Variants in SGCZ observed in about 807,000 individuals in gnomAD.
SGCZ encodes zeta-sarcoglycan.
A neutral mutation model predicts 41.3 loss-of-function variants in SGCZ; 40 were observed. The observed-to-expected ratio is 0.97, with a 90% confidence interval of 0.75 to 1.26. The LOEUF (loss-of-function observed/expected upper bound fraction) is 1.26, where lower values mean the gene tolerates loss of function less well. SGCZ is among the 50% of genes most tolerant of loss of function. The pLI is 0.00. For synonymous variants in SGCZ, 206 were observed against 137.5 expected (o/e 1.50, Z -3.49); for missense variants, 552 against 369.8 (o/e 1.49, Z -4.04).
intron 1 of SGCZ, among the ~76,000 whole-genome samples, chr8:15,190,957 A>G (rs1255022694): frequency 6.6e-6 from 1 of 152,072 alleles, no homozygotes; most frequent in African/African-American, 2.4e-5. Flanking sequence ...AGAGTGGACT[A>G]TCTATGGATT....
At position 14,450,206 on chromosome 8, in the gene SGCZ, G is replaced by T. The variant is rs75622928; in HGVS notation, c.234+104526C>A. Among the ~76,000 whole-genome samples the T allele has an allele frequency of 8.5e-5, 13 of 152,292 alleles. No individual in the cohort carries two copies. In the South Asian group the frequency reaches 1.0e-3, roughly 12 times the overall value. ...GCTACACAGAACCCAAACCCTCAAC[G>T]AGGGTCTCTACTGACAACTTAATTC... On this transcript the variant is annotated intron_variant, in intron 2 of 7. Transcript: ENST00000382080.
chr8:14,273,705 T>C (rs1055367328), intron 3 of SGCZ, among the ~76,000 whole-genome samples: 2 of 152,128 alleles, frequency 1.3e-5, no homozygotes, highest in Non-Finnish European at 2.9e-5. Flanking sequence ...GTAAACTCTT[T>C]CAATATCCAA....
At chr8:15,028,174 A>C (rs1473121661) in intron 1 of SGCZ, among the ~76,000 whole-genome samples, 1 of 152,134 alleles carries the variant, frequency 6.6e-6, no homozygotes, top group Non-Finnish European at 1.5e-5. Flanking sequence ...TTGAATAATC[A>C]TTATAAGAAA....
chr8:14,854,153 T>C (rs903001641), intron 1 of SGCZ, among the ~76,000 whole-genome samples: 3 of 150,732 alleles, frequency 2.0e-5, no homozygotes, highest in African/African-American at 7.3e-5. Context: ...ACATTATTGT[T>C]ATTAGTTTGA....
In SGCZ at chr8:14,968,878, G is replaced by A. The variant is rs574777279; in HGVS notation, c.39+268707C>T. ...GAAGGTTTGAATAAATTATTTTAAT[G>A]ACCTAGATGGCTTTTCATTCGAGCT... is the stretch of plus-strand genomic sequence containing the variant. On this transcript the variant is annotated intron_variant, in intron 1 of 7. Coordinates refer to ENST00000382080, the MANE Select transcript of SGCZ (RefSeq NM_139167.4). Among the ~76,000 whole-genome samples the A allele has an allele frequency of 1.5e-3, 221 of 152,204 alleles. 1 individual carries two copies. Among genetic ancestry groups the A allele is most frequent in the African/African-American group, 5.0e-3 (208 of 41,568 alleles).
intron 1 of SGCZ, among the ~76,000 whole-genome samples, chr8:14,787,253 A>G (rs982665836): frequency 1.3e-5 from 2 of 152,256 alleles, no homozygotes; most frequent in African/African-American, 4.8e-5. Flanking sequence ...GCACAAGACA[A>G]TGAAATTCAG....
intron 2 of SGCZ, among the ~76,000 whole-genome samples, chr8:14,329,627 G>C (rs951941152): frequency 6.6e-6 from 1 of 151,970 alleles, no homozygotes; most frequent in Non-Finnish European, 1.5e-5. Flanking sequence ...TAGCCTCTGG[G>C]TATAGATCTG....
At chr8:14,157,238 C>T (rs1415780674) in intron 5 of SGCZ, among the ~76,000 whole-genome samples, 1 of 149,940 alleles carries the variant, frequency 6.7e-6, no homozygotes, top group African/African-American at 2.4e-5. Context: ...CCTTCATTGG[C>T]TGAACATTAT....
At chr8:14,805,670 A>G (rs1178700517) in intron 1 of SGCZ, among the ~76,000 whole-genome samples, 4 of 151,390 alleles carry the variant, frequency 2.6e-5, no homozygotes, top group Non-Finnish European at 5.9e-5. Flanking sequence ...AGACAGATCA[A>G]CGAGACAGAA....
chr8:14,770,999 C>T (rs975997515), intron 1 of SGCZ, among the ~76,000 whole-genome samples: 1 of 152,084 alleles, frequency 6.6e-6, no homozygotes, highest in Admixed American at 6.5e-5. Flanking sequence ...CACAAGTACA[C>T]TTCAATAGCT....
In SGCZ at chr8:14,696,107, T is replaced by C. The variant is rs544485556; in HGVS notation, c.40-141181A>G. 1.8e-4 allele frequency among the ~76,000 whole-genome samples: 27 copies of C among 152,236 alleles called. No homozygotes were observed. The East Asian group carries it at 3.7e-3, about 21-fold the overall frequency. ...TACAGTTGTATTTCGGTTGCTTTTT[T>C]TCAGGTTGTAGAAAATTGCATTTTT... On this transcript the variant is annotated intron_variant, in intron 1 of 7. Coordinates refer to ENST00000382080, the MANE Select transcript of SGCZ (RefSeq NM_139167.4).
Position 14,929,722 on chromosome 8 carries a change from A to C in SGCZ, c.39+307863T>G, listed in dbSNP as rs371313762. Among the ~76,000 whole-genome samples, 47 of 152,148 alleles carry C rather than the reference A, an allele frequency of 3.1e-4. No homozygotes were observed. In the South Asian group the frequency reaches 6.4e-3, roughly 21 times the overall value. On this transcript the variant is annotated intron_variant, in intron 1 of 7. Transcript: ENST00000382080. ...AGGTATAAAATCCACAGCTGACAGC[A>C]GTGGTATGAATGCAGGTTTTCATGG...
At chr8:14,217,859 G>C (rs181850530) in intron 4 of SGCZ, among the ~76,000 whole-genome samples, 1 of 151,920 alleles carries the variant, frequency 6.6e-6, no homozygotes, top group East Asian at 1.9e-4. Flanking sequence ...TTGAACTCCT[G>C]ACTTCAAGTG....
At chr8:14,279,288 T>A (rs141623570) in intron 3 of SGCZ, among the ~76,000 whole-genome samples, 15 of 152,184 alleles carry the variant, frequency 9.9e-5, no homozygotes, top group African/African-American at 3.6e-4. Flanking sequence ...TTGCCAAATA[T>A]TAAGTGATTT....
chr8:14,824,681 G>A (rs1425914824), intron 1 of SGCZ, among the ~76,000 whole-genome samples: 1 of 151,940 alleles, frequency 6.6e-6, no homozygotes, highest in Non-Finnish European at 1.5e-5. Flanking sequence ...TAAAATCCTT[G>A]TTTGAGGAAT....
chr8:15,137,658 GGCACCTTT>G (rs57732212), intron 1 of SGCZ, among the ~76,000 whole-genome samples: 25,659 of 152,066 alleles, frequency 0.17, 2,436 homozygotes, highest in African/African-American at 0.26. Context: ...CCCAAGCCTT[GGCACCTTT>G]CATGTGGTGT....
chr8:14,212,830 C>T (rs1466510811), intron 4 of SGCZ, among the ~76,000 whole-genome samples: 2 of 151,770 alleles, frequency 1.3e-5, no homozygotes, highest in Non-Finnish European at 2.9e-5. Flanking sequence ...TTTTCTAAAA[C>T]ATATTAAAAT....
chr8:14,216,568 G>T (rs1206663352), intron 4 of SGCZ, among the ~76,000 whole-genome samples: 2 of 152,118 alleles, frequency 1.3e-5, no homozygotes, highest in Admixed American at 6.5e-5. Flanking sequence ...CTTGCTCCAT[G>T]ACTTAGCGGG....
intron 1 of SGCZ, among the ~76,000 whole-genome samples, chr8:14,660,067 A>C (rs148007265): frequency 9.1e-4 from 139 of 152,288 alleles, no homozygotes; most frequent in African/African-American, 3.2e-3. Flanking sequence ...CTTCAACAGG[A>C]ACCAACCTTG....
Sources: allele counts gnomAD v4.1 joint callset (sites outside exome capture counted in the v4.1 genomes callset), GRCh38; gene constraint gnomAD v4.1.1; transcripts MANE v1.5; gene names NCBI Gene and HGNC (gene_info 2026-07-23, HGNC 2026-07-21).